Variants in SKAP1 observed in about 807,000 individuals in gnomAD.
SKAP1 encodes the protein src kinase associated phosphoprotein 1, also known as src kinase-associated phosphoprotein 1.
Under a neutral mutation model 58.5 loss-of-function variants are expected in SKAP1, and 44 were observed. The observed-to-expected ratio is 0.75, with a 90% confidence interval of 0.59 to 0.97. The LOEUF (loss-of-function observed/expected upper bound fraction) is 0.97. Ranked by LOEUF, SKAP1 falls within the 50% of genes least tolerant of loss-of-function variation. The pLI, the probability that SKAP1 is intolerant of heterozygous loss-of-function variation, is 0.00. For synonymous variants in SKAP1, 127 were observed against 149.7 expected (o/e 0.85, Z 1.11); for missense variants, 390 against 435.2 (o/e 0.90, Z 0.92).
chr17:48,234,462 A>G (rs1182514167), intron 4 of SKAP1, among the ~76,000 whole-genome samples: 3 of 152,230 alleles, frequency 2.0e-5, no homozygotes, highest in African/African-American at 7.2e-5. Context: ...ACAGGGCTAG[A>G]CATGGACACC....
the SKAP1 span, among the ~76,000 whole-genome samples, chr17:48,438,632 C>A: frequency 6.6e-6 from 1 of 152,304 alleles, no homozygotes; most frequent in South Asian, 2.1e-4. Context: ...TTCTAGAATA[C>A]TTCTAGTGTT....
chr17:48,405,538 T>C (rs796120206), intron 1 of SKAP1, among the ~76,000 whole-genome samples: 13 of 150,138 alleles, frequency 8.7e-5, no homozygotes, highest in African/African-American at 2.9e-4. Context: ...GTTTCACTCT[T>C]GTCACCCAGG....
chr17:48,382,922 C>A (rs1478929856), intron 2 of SKAP1, among the ~76,000 whole-genome samples: 1 of 152,144 alleles, frequency 6.6e-6, no homozygotes, highest in Non-Finnish European at 1.5e-5. Flanking sequence ...TGAAAACAAA[C>A]CTTCAAACCT....
chr17:48,340,690 C>T (rs1416247452), intron 4 of SKAP1, among the ~76,000 whole-genome samples: 1 of 151,864 alleles, frequency 6.6e-6, no homozygotes, highest in African/African-American at 2.4e-5. Flanking sequence ...ACAAAACAAA[C>T]TAAAATAAAA....
At chr17:48,232,794 C>G (rs1437807910) in intron 4 of SKAP1, among the ~76,000 whole-genome samples, 1 of 152,158 alleles carries the variant, frequency 6.6e-6, no homozygotes, top group Non-Finnish European at 1.5e-5. Flanking sequence ...TGACAAAAGA[C>G]CGTTAGTAGG....
intron 2 of SKAP1, among the ~76,000 whole-genome samples, chr17:48,373,976 T>G (rs1359366464): frequency 2.0e-5 from 3 of 152,192 alleles, no homozygotes; most frequent in African/African-American, 7.2e-5. Context: ...CTTGGTAAAC[T>G]CCTGCTGAAC....
At position 48,184,832 on chromosome 17, in the gene SKAP1, C is replaced by T. The variant is rs765964736; in HGVS notation, c.458G>A (p.Gly153Glu). The T allele has an allele frequency of 2.2e-5, 36 of 1,613,484 alleles. 2 individuals are homozygous for T. In the Middle Eastern group the frequency reaches 3.5e-3, roughly 157 times the overall value. The change falls in exon 7 of 13, where the codon GGG (glycine) becomes GAG (glutamate). Residue 153 changes from glycine (G) to glutamate (E), a missense_variant. Physicochemically the swap from Gly to Glu is moderately conservative, Grantham distance 98 (BLOSUM62 -2). Transcript: ENST00000336915. ...ACCGTAGCCCTTAATGAGGAAGGTCCCTTTGGGCTGCTTGCCTGCAAGACA... is the reference window on the plus strand; with the variant it reads ...ACCGTAGCCCTTAATGAGGAAGGTCTCTTTGGGCTGCTTGCCTGCAAGACA... ...YANEKSKQPK[G>E]TFLIKGYGVR...
intron 10 of SKAP1, among the ~76,000 whole-genome samples, chr17:48,166,059 A>G (rs1291677113): frequency 2.6e-5 from 4 of 152,254 alleles, no homozygotes; most frequent in African/African-American, 9.6e-5. Flanking sequence ...CAGAGGACCT[A>G]GAGCAATAAT....
intron 4 of SKAP1, among the ~76,000 whole-genome samples, chr17:48,279,488 G>C (rs2065741763): frequency 6.6e-6 from 1 of 152,110 alleles, no homozygotes; most frequent in Non-Finnish European, 1.5e-5. Context: ...GGAGGACTTT[G>C]CATGTTAAAA....
At chr17:48,350,172 G>T (rs1416879677) in intron 3 of SKAP1, among the ~76,000 whole-genome samples, 1 of 151,772 alleles carries the variant, frequency 6.6e-6, no homozygotes, top group Non-Finnish European at 1.5e-5. Flanking sequence ...TTTTACCAGA[G>T]AAATGAGAAA....
intron 4 of SKAP1, among the ~76,000 whole-genome samples, chr17:48,261,085 T>C (rs2065479327): frequency 6.6e-6 from 1 of 152,184 alleles, no homozygotes; most frequent in Admixed American, 6.5e-5. Context: ...TTAGAATTAT[T>C]ATAGTTGTGT....
chr17:48,193,179 T>A (rs2064572855), intron 4 of SKAP1, among the ~76,000 whole-genome samples: 1 of 152,112 alleles, frequency 6.6e-6, no homozygotes, highest in Non-Finnish European at 1.5e-5. Context: ...GTAGCTGGGA[T>A]TACAGGCATG....
At chr17:48,411,153 A>G (rs2067660128) in intron 1 of SKAP1, among the ~76,000 whole-genome samples, 1 of 151,996 alleles carries the variant, frequency 6.6e-6, no homozygotes. Context: ...TAATCCCAGT[A>G]CTTTGGGAAG....
chr17:48,274,067 G>T (rs898374800), intron 4 of SKAP1, among the ~76,000 whole-genome samples: 1 of 152,088 alleles, frequency 6.6e-6, no homozygotes, highest in East Asian at 1.9e-4. Flanking sequence ...AGGTCAATAG[G>T]CGTACACCAC....
intron 4 of SKAP1, among the ~76,000 whole-genome samples, chr17:48,216,481 T>C (rs2064940149): frequency 1.3e-5 from 2 of 150,750 alleles, no homozygotes; most frequent in South Asian, 4.2e-4. Context: ...AAGCACCCAA[T>C]ACTGTGAATA....
chr17:48,162,923 A>T (rs1455982551), intron 10 of SKAP1, among the ~76,000 whole-genome samples: 1 of 152,220 alleles, frequency 6.6e-6, no homozygotes, highest in East Asian at 1.9e-4. Context: ...AGGGCAACTA[A>T]CTATCTAGTT....
intron 4 of SKAP1, among the ~76,000 whole-genome samples, chr17:48,285,903 C>T (rs2065824403): frequency 6.6e-6 from 1 of 152,184 alleles, no homozygotes; most frequent in Non-Finnish European, 1.5e-5. Flanking sequence ...TACTTAACCT[C>T]TCTGATTCTC....
chr17:48,356,831 T>C (rs2066881779), intron 3 of SKAP1, among the ~76,000 whole-genome samples: 1 of 152,210 alleles, frequency 6.6e-6, no homozygotes, highest in Non-Finnish European at 1.5e-5. Context: ...CCACTGTTAA[T>C]AGATACATAT....
chr17:48,339,126 G>A (rs2066613971), intron 4 of SKAP1, among the ~76,000 whole-genome samples: 1 of 152,112 alleles, frequency 6.6e-6, no homozygotes, highest in South Asian at 2.1e-4. Flanking sequence ...ACACAGACAT[G>A]GATATAAGTT....
Sources: gnomAD v4.1 joint callset for allele counts (sites outside exome capture counted in the v4.1 genomes callset) on GRCh38, gnomAD v4.1.1 for gene constraint, MANE v1.5 for transcripts, NCBI Gene and HGNC (gene_info 2026-07-23, HGNC 2026-07-21) for gene names.